PLXND1: variants seen among roughly 807,000 people sequenced by gnomAD.
The protein encoded by PLXND1 is plexin D1.
PLXND1 carries 54 observed loss-of-function variants against 197.7 expected under a neutral mutation model. The ratio of observed to expected loss-of-function variants is 0.27; its 90% CI spans 0.22 to 0.34. The LOEUF is 0.34. Ranked by LOEUF, PLXND1 falls within the 10% of genes least tolerant of loss-of-function variation. The pLI, the probability that PLXND1 is intolerant of heterozygous loss-of-function variation, is 1.00. For missense variants in PLXND1, 2,127 were observed against 2,699.2 expected, an observed-to-expected ratio of 0.79 and a Z score of 4.70; for synonymous variants, 1,180 against 1,161.2, an observed-to-expected ratio of 1.02 and a Z score of -0.33.
intron 30 of PLXND1, 27 bp downstream of exon 30, chr3:129,560,662 C>A: frequency 6.4e-7 from 1 of 1,568,650 alleles, no homozygotes; most frequent in Non-Finnish European, 8.8e-7. Flanking sequence ...GGGGCTGGAT[C>A]CCCCGGGGCC....
intron 35 of PLXND1, 63 bp from the exon 36 acceptor site, chr3:129,556,491 G>T: frequency 7.1e-7 from 1 of 1,405,832 alleles, no homozygotes; most frequent in South Asian, 1.2e-5. Flanking sequence ...TCGTGGGAGA[G>T]AACACACCCC....
intron 1 of PLXND1, among the ~76,000 whole-genome samples, chr3:129,594,392 A>G (rs1208736578): frequency 6.6e-6 from 1 of 152,158 alleles, no homozygotes; most frequent in Non-Finnish European, 1.5e-5. Context: ...GTGGACGTGG[A>G]AGGATCGCCT....
rs2085227795 is a variant in PLXND1, at chr3:129,571,496, C to A, written c.3336+13G>T. 6.2e-7 allele frequency: 1 copy of A among 1,611,378 alleles called. No individual in the cohort carries two copies. The highest frequency in any genetic ancestry group is 8.5e-7 in the Non-Finnish European group (1 of 1,178,200). ...CCACCCCCTCCCACCCATCAGGCCC[C>A]CGAATGCCTCACCGTGGGCTCCCGG... On this transcript the variant is annotated intron_variant, in intron 17 of 35. Coordinates refer to ENST00000324093, the MANE Select transcript of PLXND1 (RefSeq NM_015103.3).
intron 24 of PLXND1, 97 bp from the exon 25 acceptor site, chr3:129,565,635 C>A: frequency 8.8e-7 from 1 of 1,131,434 alleles, no homozygotes; most frequent in Non-Finnish European, 1.3e-6. Context: ...CCATCGATCC[C>A]AGGAGTGCCT....
chr3:129,592,803 T>A (rs889641013), intron 1 of PLXND1, among the ~76,000 whole-genome samples: 1 of 152,232 alleles, frequency 6.6e-6, no homozygotes, highest in Non-Finnish European at 1.5e-5. Flanking sequence ...ATTCCCCAGC[T>A]GCCAGGGGAA....
intron 1 of PLXND1, among the ~76,000 whole-genome samples, chr3:129,601,293 G>T (rs1872119): frequency 2.6e-5 from 4 of 152,086 alleles, no homozygotes; most frequent in African/African-American, 4.8e-5. Flanking sequence ...CTCTGCCTCT[G>T]GCCTCACACT....
intron 19 of PLXND1, 179 bp downstream of exon 19, chr3:129,570,607 G>A: frequency 1.5e-6 from 1 of 646,904 alleles, no homozygotes; most frequent in Admixed American, 2.7e-5. Context: ...AAGTCACTAA[G>A]TTCTTGGGCC....
intron 6 of PLXND1, 32 bp from the exon 7 acceptor site, chr3:129,584,265 T>C (rs2085427292): frequency 6.3e-7 from 1 of 1,591,744 alleles, no homozygotes; most frequent in Non-Finnish European, 8.6e-7. Context: ...GGGGAGGACA[T>C]GGGGGCAGGG....
At position 129,570,886 on chromosome 3, in the gene PLXND1, A is replaced by G. The variant is rs1457476314; in HGVS notation, c.3650T>C (p.Ile1217Thr). The part of the protein sequence containing the change: ...GLQSHEYRVK[I>T]GQVSCDIQIV... Reference sequence around the variant, plus strand: ...CTGGATGTCGCAGCTTACTTGGCCTATCTTGACCCGGTACTCGTGACTCTG... The same window carrying G: ...CTGGATGTCGCAGCTTACTTGGCCTGTCTTGACCCGGTACTCGTGACTCTG... Residue 1217 changes from isoleucine to threonine, a missense_variant, in exon 19 of 36, where the codon ATA becomes ACA. This residue lies in a region of PLXND1 where 532 missense variants were observed against 811.0 expected (regional missense o/e 0.66). Transcript: ENST00000324093. The G allele has an allele frequency of 1.9e-6, 3 of 1,614,044 alleles. No individual in the cohort carries two copies. The highest frequency in any genetic ancestry group is 2.7e-5 in the African/African-American group (2 of 74,914).
chr3:129,590,477 T>C (rs2085524164), intron 1 of PLXND1, among the ~76,000 whole-genome samples: 2 of 146,892 alleles, frequency 1.4e-5, no homozygotes, highest in Non-Finnish European at 3.0e-5. Flanking sequence ...TGCAGAGGAG[T>C]GAAAAGGGGA....
In PLXND1 at chr3:129,567,375, A is replaced by T. The variant is rs1055022706; in HGVS notation, c.4086+117T>A. ...GGGCAAGTGGCCAGGACGGCTGCGG[A>T]CAGCTGTGCAGGTTTGGCACTGCTC... On this transcript the variant is annotated intron_variant, in intron 22 of 35. Coordinates refer to ENST00000324093, the MANE Select transcript of PLXND1 (RefSeq NM_015103.3). The T allele has an allele frequency of 1.5e-5, 10 of 661,722 alleles. No individual in the cohort carries two copies. In the African/African-American group the frequency reaches 1.8e-4, roughly 12 times the overall value. The allele number at this position is 661,722 out of a possible 1,614,324, so 41.0% of individuals were successfully genotyped here.
chr3:129,563,254 G>A lies in PLXND1; in HGVS notation c.4522-14C>T. ...CCCCACCGTCTCCTGAGGGGCACGG[G>A]GGTATCAGGGCCAAGGCCCCCTCTG... On this transcript the variant is annotated splice_polypyrimidine_tract_variant and intron_variant, in intron 25 of 35. Coordinates refer to ENST00000324093, the MANE Select transcript of PLXND1 (RefSeq NM_015103.3). 1 of 1,601,390 alleles carries A rather than the reference G, an allele frequency of 6.2e-7. No individual in the cohort carries two copies. The highest frequency in any genetic ancestry group is 8.5e-7 in the Non-Finnish European group (1 of 1,173,944).
At chr3:129,596,161 A>G (rs2085619050) in intron 1 of PLXND1, among the ~76,000 whole-genome samples, 1 of 151,832 alleles carries the variant, frequency 6.6e-6, no homozygotes, top group African/African-American at 2.4e-5. Context: ...TGCTCAATAA[A>G]TGTTCCCAAT....
In PLXND1 at chr3:129,605,424, C is replaced by T; in HGVS notation, c.1216G>A (p.Ala406Thr). The change falls in exon 1 of 36, where the codon GCC becomes ACC. Residue 406 changes from alanine (A) to threonine (T), a missense_variant. Around this residue, in one of 6 missense-constraint regions of PLXND1, gnomAD observed 1,095 missense variants for 1,259.8 expected, o/e 0.87. Transcript: ENST00000324093. ...TCGGGCGCCGGTTCCACGAAGCAGG[C>T]GGTGCGCGCAGCTCGGATGGCGGCT... is the stretch of plus-strand genomic sequence containing the variant. ...VRAAIRAART[A>T]CFVEPAPDVV... 2 of 1,501,342 alleles carry T rather than the reference C, an allele frequency of 1.3e-6. No homozygotes were observed. The highest frequency in any genetic ancestry group is 2.8e-5 in the East Asian group (1 of 36,042). 93.0% of individuals were successfully genotyped at this position (1,501,342 alleles called of 1,614,324 possible).
intron 1 of PLXND1, among the ~76,000 whole-genome samples, chr3:129,589,993 C>T (rs532527859): frequency 9.9e-5 from 15 of 152,160 alleles, no homozygotes; most frequent in Non-Finnish European, 2.1e-4. Context: ...TTTCCTACAG[C>T]CCCGGCTGGC....
At chr3:129,586,759 C>G in intron 2 of PLXND1, 40 bp from the exon 3 acceptor site, 1 of 1,585,440 alleles carries the variant, frequency 6.3e-7, no homozygotes, top group Non-Finnish European at 8.6e-7. Flanking sequence ...GAGCCCATAG[C>G]AGGGGAGGCC....
chr3:129,595,161 C>T (rs2085602018), intron 1 of PLXND1, among the ~76,000 whole-genome samples: 1 of 152,246 alleles, frequency 6.6e-6, no homozygotes, highest in African/African-American at 2.4e-5. Flanking sequence ...AGTCCAGCAG[C>T]CCAGCCGCAC....
intron 11 of PLXND1, 21 bp downstream of exon 11, chr3:129,575,447 TG>T: frequency 6.8e-7 from 1 of 1,479,552 alleles, no homozygotes; most frequent in Non-Finnish European, 9.2e-7. Flanking sequence ...CGAGGCCATG[TG>T]GGGCGGGTGG....
At chr3:129,593,572 G>A (rs2085577057) in intron 1 of PLXND1, among the ~76,000 whole-genome samples, 1 of 152,250 alleles carries the variant, frequency 6.6e-6, no homozygotes, top group Non-Finnish European at 1.5e-5. Context: ...ACGTTCTCCA[G>A]CATGGAGCCT....
Sources: allele counts gnomAD v4.1 joint callset (sites outside exome capture counted in the v4.1 genomes callset), GRCh38; gene constraint gnomAD v4.1.1; regional missense constraint gnomAD v4.1.1; transcripts MANE v1.5; gene names NCBI Gene and HGNC (gene_info 2026-07-23, HGNC 2026-07-21).